The following COL4A3 variants were observed in gnomAD, a reference collection of about 807,000 sequenced individuals.
COL4A3 encodes collagen alpha-3(IV) chain.
Under a neutral mutation model 217.4 loss-of-function variants are expected in COL4A3, and 135 were observed. The ratio of observed to expected loss-of-function variants is 0.62; its 90% confidence interval spans 0.54 to 0.72. The LOEUF is 0.72. Ranked by LOEUF, COL4A3 falls within the 30% of genes least tolerant of loss-of-function variation. COL4A3 has a pLI of 0.00. For missense variants in COL4A3, 1,868 were observed against 2,119.9 expected, an observed-to-expected ratio of 0.88 and a Z score of 2.33; for synonymous variants, 690 against 736.3, an observed-to-expected ratio of 0.94 and a Z score of 1.02.
At position 227,254,189 on chromosome 2, in the gene COL4A3, G is replaced by C. The variant is rs777197838; in HGVS notation, c.828+15G>C. The stretch of plus-strand genomic sequence containing the variant: ...CTGGACCCTCAGTAGGTTATTTAAA[G>C]TTATATTGTCCCCATAACACATAAA... On this transcript the variant is annotated intron_variant, in intron 14 of 51. Coordinates refer to ENST00000396578, the MANE Select transcript of COL4A3 (RefSeq NM_000091.5). 7 of 1,609,168 alleles carry C rather than the reference G, an allele frequency of 4.4e-6. No homozygotes were observed. The African/African-American group carries it at 9.4e-5, about 22-fold the overall frequency.
At chr2:227,185,623 T>C (rs1168100347) in intron 1 of COL4A3, among the ~76,000 whole-genome samples, 2 of 152,200 alleles carry the variant, frequency 1.3e-5, no homozygotes, top group African/African-American at 4.8e-5. Flanking sequence ...CATCACCATG[T>C]AGCTATTTGG....
At chr2:227,303,199 C>A in intron 44 of COL4A3, 89 bp downstream of exon 44, 1 of 1,126,406 alleles carries the variant, frequency 8.9e-7, no homozygotes, top group Non-Finnish European at 1.4e-6. Flanking sequence ...GAAGTACAGA[C>A]AGCTGGGGTT....
Position 227,247,601 on chromosome 2 carries a change from A to C in COL4A3, c.468+17A>C. The C allele has an allele frequency of 6.2e-7, 1 of 1,613,832 alleles. No homozygotes were observed. The highest frequency in any genetic ancestry group is 8.5e-7 in the Non-Finnish European group (1 of 1,179,730). Reference sequence around the variant, plus strand: ...GGACAAAAGGTAAGTCATTGGTGGAATGCTGTCACTGAAAATCTCTAACTG... The same window carrying C: ...GGACAAAAGGTAAGTCATTGGTGGACTGCTGTCACTGAAAATCTCTAACTG... On this transcript the variant is annotated intron_variant, in intron 8 of 51. Coordinates refer to ENST00000396578, the MANE Select transcript of COL4A3 (RefSeq NM_000091.5).
At chr2:227,261,211 A>G (rs1428231824) in intron 20 of COL4A3, 94 bp downstream of exon 20, 1 of 1,103,206 alleles carries the variant, frequency 9.1e-7, no homozygotes, top group Non-Finnish European at 1.4e-6. Context: ...CATAAGACAA[A>G]TGTTTCATTA....
At chr2:227,214,473 G>T (rs1166954955) in intron 1 of COL4A3, among the ~76,000 whole-genome samples, 1 of 152,208 alleles carries the variant, frequency 6.6e-6, no homozygotes, top group African/African-American at 2.4e-5. Flanking sequence ...CATCACAAAT[G>T]AAGTTGCATT....
chr2:227,248,178 G>C, intron 8 of COL4A3: 1 of 391,974 alleles, frequency 2.6e-6, no homozygotes, highest in South Asian at 2.2e-5. Flanking sequence ...GACCTCGGGT[G>C]ATCTGCCCGT....
Position 227,312,122 on chromosome 2 carries a change from A to T in COL4A3, c.*252A>T. On this transcript the variant is annotated 3_prime_UTR_variant, in exon 52 of 52. Coordinates refer to ENST00000396578, the MANE Select transcript of COL4A3 (RefSeq NM_000091.5). ...AACTATTCACAAAATATCACCAAAA[A>T]CCTATTCCACTTACATCCAAGGCAC... 1 of 504,336 alleles carries T rather than the reference A, an allele frequency of 2.0e-6. No homozygotes were observed. The highest frequency in any genetic ancestry group is 2.2e-5 in the South Asian group (1 of 45,782). 31.2% of individuals were successfully genotyped at this position (504,336 alleles called of 1,614,324 possible).
chr2:227,309,548 G>T (rs932297149), intron 50 of COL4A3, among the ~76,000 whole-genome samples: 5 of 151,972 alleles, frequency 3.3e-5, no homozygotes, highest in African/African-American at 1.2e-4. Context: ...ATTCTATTAT[G>T]AAATTTAGGT....
In COL4A3 at chr2:227,177,569, A is replaced by G. The variant is rs891855416; in HGVS notation, c.87+12756A>G. Among the ~76,000 whole-genome samples, 6 of 152,290 alleles carry G rather than the reference A, an allele frequency of 3.9e-5. No individual in the cohort carries two copies. In the East Asian group the frequency reaches 1.2e-3, roughly 29 times the overall value. ...ACATTTTGATCATTTCCAATTATGT[A>G]TTTAGAAATACGGTAGTCCTCCCTT... is the stretch of plus-strand genomic sequence containing the variant. On this transcript the variant is annotated intron_variant, in intron 1 of 51. Coordinates refer to ENST00000396578, the MANE Select transcript of COL4A3 (RefSeq NM_000091.5).
chr2:227,191,246 T>C lies in COL4A3; in HGVS notation c.87+26433T>C, dbSNP rs1334278635. 6.6e-6 allele frequency among the ~76,000 whole-genome samples: 1 copy of C among 152,120 alleles called. No individual in the cohort carries two copies. Among genetic ancestry groups the C allele is most frequent in the Non-Finnish European group, 1.5e-5 (1 of 68,030 alleles). ...ATCATGCCAATGACACTCTGCTTGA[T>C]TTGGAAGTACATTCCTCGTACACAT... On this transcript the variant is annotated intron_variant, in intron 1 of 51. Transcript: ENST00000396578. This position sits in a 1 kb window ranked among gnomAD's most constrained non-coding sequence, Gnocchi z 6.8.
intron 1 of COL4A3, among the ~76,000 whole-genome samples, chr2:227,231,376 AT>A (rs112632640): frequency 6.6e-6 from 1 of 151,752 alleles, no homozygotes; most frequent in African/African-American, 2.4e-5. Context: ...TTATTTAAAC[AT>A]TTTTTGTGGC....
At chr2:227,220,259 T>A (rs1182666284) in intron 1 of COL4A3, among the ~76,000 whole-genome samples, 1 of 138,650 alleles carries the variant, frequency 7.2e-6, no homozygotes, top group Non-Finnish European at 1.5e-5. Context: ...CTCAGCTCAC[T>A]TCAGCCTCTG....
intron 34 of COL4A3, among the ~76,000 whole-genome samples, chr2:227,287,601 A>C (rs1026171951): frequency 3.9e-5 from 6 of 152,186 alleles, no homozygotes; most frequent in South Asian, 2.1e-4. Context: ...GAAAAAATGA[A>C]AGTTGTAAAA....
chr2:227,275,492 T>A (rs1338419147), intron 26 of COL4A3, among the ~76,000 whole-genome samples: 3 of 152,228 alleles, frequency 2.0e-5, no homozygotes, highest in Non-Finnish European at 2.9e-5. Context: ...CTTCTGTGAT[T>A]TCTAAGTGTG....
At chr2:227,241,704 A>G (rs2125896716) in intron 3 of COL4A3, among the ~76,000 whole-genome samples, 1 of 152,210 alleles carries the variant, frequency 6.6e-6, no homozygotes, top group Admixed American at 6.5e-5. Flanking sequence ...ATATATATAT[A>G]TGTATTAAAA....
At chr2:227,287,599 G>C (rs1305872616) in intron 34 of COL4A3, among the ~76,000 whole-genome samples, 1 of 152,122 alleles carries the variant, frequency 6.6e-6, no homozygotes, top group Non-Finnish European at 1.5e-5. Context: ...AGGAAAAAAT[G>C]AAAGTTGTAA....
intron 9 of COL4A3, among the ~76,000 whole-genome samples, chr2:227,249,230 A>ATATATATATATTTTTTT: frequency 1.4e-4 from 2 of 14,692 alleles, no homozygotes; most frequent in African/African-American, 5.3e-4. Context: ...ATATATATAT[A>ATATATATATATTTTTTT]TTTTTTTTTT....
rs1358210293 is a variant in COL4A3, at chr2:227,213,913, A to AG, written c.88-24055_88-24054insG. Among the ~76,000 whole-genome samples, 5 of 151,042 alleles carry AG rather than the reference A, an allele frequency of 3.3e-5. No individual in the cohort carries two copies. The East Asian group carries it at 9.7e-4, about 29-fold the overall frequency. ...CAAAACTCTGTCTCAAAAAAAAAAA[A>AG]AAAAAAGAAAAAGAAAAAGAAAAAA... On this transcript the variant is annotated intron_variant, in intron 1 of 51. Coordinates refer to ENST00000396578, the MANE Select transcript of COL4A3 (RefSeq NM_000091.5).
At position 227,279,880 on chromosome 2, in the gene COL4A3, C is replaced by T. The variant is rs1421064735; in HGVS notation, c.2213C>T (p.Pro738Leu). 1.2e-6 allele frequency: 2 copies of T among 1,604,786 alleles called. No homozygotes were observed. The highest frequency in any genetic ancestry group is 4.5e-5 in the East Asian group (2 of 44,750). Residue 738 changes from proline to leucine, a missense_variant, in exon 29 of 52, where the codon CCA becomes CTA. By Grantham distance (98) the Pro-to-Leu change is moderately conservative. Coordinates refer to ENST00000396578, the MANE Select transcript of COL4A3 (RefSeq NM_000091.5). ...GGGTTACCTGGAAAGCCAGGCCTCC[C>T]AGGAGCCAAGGTATGCAAAAATTCA... Reference protein sequence around the residue: ...EPGLPGKPGLPGAKGEPAVAM... With the variant: ...EPGLPGKPGLLGAKGEPAVAM...
Sources: allele counts gnomAD v4.1 joint callset (sites outside exome capture counted in the v4.1 genomes callset), GRCh38; gene constraint gnomAD v4.1.1; non-coding constraint Gnocchi (gnomAD v3.1); transcripts MANE v1.5; gene names NCBI Gene and HGNC (gene_info 2026-07-23, HGNC 2026-07-21).